Variants in ESRRB observed in about 807,000 individuals in gnomAD.
ESRRB encodes estrogen related receptor beta.
A neutral mutation model predicts 46.0 loss-of-function variants in ESRRB; 16 were observed. That is an observed-to-expected ratio of 0.35 (90% CI 0.24 to 0.53). The LOEUF is 0.53. Ranked by LOEUF, ESRRB falls within the 20% of genes least tolerant of loss-of-function variation. The pLI, the probability that ESRRB is intolerant of heterozygous loss-of-function variation, is 0.93. For missense variants in ESRRB, 488 were observed against 607.4 expected (o/e 0.80, Z 2.07); for synonymous variants, 246 against 259.6 (o/e 0.95, Z 0.50).
At chr14:76,446,671 G>A (rs574241519) in intron 2 of ESRRB, among the ~76,000 whole-genome samples, 34 of 152,278 alleles carry the variant, frequency 2.2e-4, no homozygotes, top group African/African-American at 4.1e-4. Flanking sequence ...TAAACATTCC[G>A]TTTATCTGAT....
At chr14:76,365,960 T>TAC (rs1006166457) in intron 1 of ESRRB, among the ~76,000 whole-genome samples, 25 of 152,214 alleles carry the variant, frequency 1.6e-4, no homozygotes, top group Non-Finnish European at 3.1e-4. Context: ...CTGCACATGG[T>TAC]ACACCTCAAG....
chr14:76,335,380 A>T (rs1438725131), intron 1 of ESRRB, among the ~76,000 whole-genome samples: 3 of 152,182 alleles, frequency 2.0e-5, no homozygotes, highest in Non-Finnish European at 4.4e-5. Context: ...GGCAAACTGG[A>T]AGCCACTGTA....
chr14:76,369,340 T>C (rs1218842101), upstream of ESRRB, among the ~76,000 whole-genome samples: 1 of 151,296 alleles, frequency 6.6e-6, no homozygotes, highest in Non-Finnish European at 1.5e-5. Flanking sequence ...AGTGGCATGA[T>C]CTTGGCTCAC....
chr14:76,423,067 A>G (rs560755714), intron 1 of ESRRB, among the ~76,000 whole-genome samples: 1 of 152,204 alleles, frequency 6.6e-6, no homozygotes, highest in African/African-American at 2.4e-5. Context: ...AACCCAACAC[A>G]TTAAGTAGCT....
chr14:76,367,798 A>G (rs72731623), upstream of ESRRB, among the ~76,000 whole-genome samples: 63 of 152,192 alleles, frequency 4.1e-4, no homozygotes, highest in Non-Finnish European at 8.7e-4. Flanking sequence ...CAGGGTCAGC[A>G]CCTAAGTGTT....
intron 1 of ESRRB, among the ~76,000 whole-genome samples, chr14:76,402,258 G>A (rs969907688): frequency 6.6e-6 from 1 of 152,160 alleles, no homozygotes; most frequent in Non-Finnish European, 1.5e-5. Context: ...TCCATGGCCC[G>A]GTCAAGTTGA....
chr14:76,456,718 GC>G (rs1316600636), intron 2 of ESRRB, among the ~76,000 whole-genome samples: 1 of 152,200 alleles, frequency 6.6e-6, no homozygotes, highest in Admixed American at 6.5e-5. Context: ...ACATCAGCAG[GC>G]AGATAGCTAT....
At chr14:76,327,818 C>A (rs1883953184) in intron 1 of ESRRB, among the ~76,000 whole-genome samples, 2 of 152,124 alleles carry the variant, frequency 1.3e-5, no homozygotes, top group Admixed American at 1.3e-4. Context: ...ATTCTCCTGT[C>A]TCAGCCTCCC....
At chr14:76,386,710 C>T (rs1344386159) in intron 1 of ESRRB, among the ~76,000 whole-genome samples, 1 of 152,092 alleles carries the variant, frequency 6.6e-6, no homozygotes, top group Admixed American at 6.5e-5. Context: ...GATCTGCCTG[C>T]CTCTGCCTCC....
At position 76,498,585 on chromosome 14, in the gene ESRRB, G is replaced by C; in HGVS notation, c.*127G>C. The C allele has an allele frequency of 6.5e-7, 1 of 1,540,364 alleles. No homozygotes were observed. On this transcript the variant is annotated 3_prime_UTR_variant, in exon 7 of 7. Coordinates refer to ENST00000644823, the MANE Select transcript of ESRRB (RefSeq NM_001379180.1). ...ATGGCTCTGAGCTGTCCCAGAGGCG[G>C]GGGTTTCTCACCTCCTGGCTGTGTG...
At chr14:76,341,314 C>T (rs773521914) in intron 1 of ESRRB, among the ~76,000 whole-genome samples, 1 of 152,238 alleles carries the variant, frequency 6.6e-6, no homozygotes, top group East Asian at 1.9e-4. Flanking sequence ...CTGCTGTCCT[C>T]GTCCCCTCCC....
intron 1 of ESRRB, among the ~76,000 whole-genome samples, chr14:76,362,995 G>A (rs1427957929): frequency 6.6e-6 from 1 of 152,170 alleles, no homozygotes. Context: ...CAGAAGCCAA[G>A]TGCCTGGTCA....
chr14:76,479,208 ACTGT>A (rs913820971), intron 3 of ESRRB, among the ~76,000 whole-genome samples: 2 of 141,842 alleles, frequency 1.4e-5, no homozygotes, highest in Admixed American at 1.4e-4. Context: ...CCTACTCAGC[ACTGT>A]CTGTTTGTGT....
chr14:76,322,623 C>T (rs1206304978), intron 1 of ESRRB, among the ~76,000 whole-genome samples: 1 of 152,184 alleles, frequency 6.6e-6, no homozygotes, highest in East Asian at 1.9e-4. Context: ...AGTCCATCAC[C>T]TCTCCCACCA....
At chr14:76,437,234 G>A (rs1887711794) in intron 1 of ESRRB, among the ~76,000 whole-genome samples, 1 of 152,128 alleles carries the variant, frequency 6.6e-6, no homozygotes. Context: ...CTTTCACCAT[G>A]TTGGCCAGGC....
chr14:76,330,577 C>T (rs1383503992), intron 1 of ESRRB, among the ~76,000 whole-genome samples: 1 of 152,214 alleles, frequency 6.6e-6, no homozygotes, highest in Non-Finnish European at 1.5e-5. Context: ...CGGGACCCCT[C>T]CCTGGCAGCT....
At chr14:76,340,032 C>T (rs1018995963) in intron 1 of ESRRB, among the ~76,000 whole-genome samples, 11 of 152,102 alleles carry the variant, frequency 7.2e-5, no homozygotes, top group African/African-American at 1.9e-4. Context: ...TCGGGGCAGG[C>T]GGCAATCTTT....
At chr14:76,458,659 G>T (rs1888722104) in intron 2 of ESRRB, among the ~76,000 whole-genome samples, 1 of 152,124 alleles carries the variant, frequency 6.6e-6, no homozygotes, top group African/African-American at 2.4e-5. Flanking sequence ...GGTTGGCTGA[G>T]CAGCTGAGAG....
intron 1 of ESRRB, among the ~76,000 whole-genome samples, chr14:76,337,253 G>A (rs1884138399): frequency 6.6e-6 from 1 of 152,190 alleles, no homozygotes. Context: ...CTCTCCTGGG[G>A]CTGAGGCATC....
Sources: gnomAD v4.1 joint callset for allele counts (sites outside exome capture counted in the v4.1 genomes callset) on GRCh38, gnomAD v4.1.1 for gene constraint, MANE v1.5 for transcripts, NCBI Gene and HGNC (gene_info 2026-07-23, HGNC 2026-07-21) for gene names.